The following ZFP90 variants were observed in gnomAD, a reference collection of about 807,000 sequenced individuals.
The protein encoded by ZFP90 is zinc finger protein 90 homolog.
ZFP90 carries 38 observed loss-of-function variants against 60.8 expected under a neutral mutation model. That is an observed-to-expected ratio of 0.62 (90% CI 0.48 to 0.82). The LOEUF is 0.82. Ranked by LOEUF, ZFP90 falls within the 40% of genes least tolerant of loss-of-function variation. The pLI is 0.00. For missense variants in ZFP90, 711 were observed against 759.1 expected (o/e 0.94, Z 0.74); for synonymous variants, 287 against 264.8 (o/e 1.08, Z -0.82).
Position 68,566,747 on chromosome 16 carries a change from G to A in ZFP90, c.*2049G>A. On this transcript the variant is annotated 3_prime_UTR_variant, in exon 5 of 5. Coordinates refer to ENST00000563169, the MANE Select transcript of ZFP90 (RefSeq NM_001305203.2). ...CAGACCCTCCCTACTGATTGGCTAGGATGCCTGTCAGGAACTCATTATGCT... is the reference window on the plus strand; with the variant it reads ...CAGACCCTCCCTACTGATTGGCTAGAATGCCTGTCAGGAACTCATTATGCT... 1 of 985,582 alleles carries A rather than the reference G, an allele frequency of 1.0e-6. No individual in the cohort carries two copies. The highest frequency in any genetic ancestry group is 1.2e-6 in the Non-Finnish European group (1 of 829,946). The allele number at this position is 985,582 out of a possible 1,614,324, so 61.1% of individuals were successfully genotyped here.
At chr16:68,572,643 C>G (rs2091574156) in intron 2 of ZFP90, among the ~76,000 whole-genome samples, 1 of 152,130 alleles carries the variant, frequency 6.6e-6, no homozygotes, top group African/African-American at 2.4e-5. Context: ...CTACCCTGCC[C>G]CTACAGGGGT....
intron 2 of ZFP90, among the ~76,000 whole-genome samples, chr16:68,548,713 C>T (rs918830719): frequency 6.6e-6 from 1 of 152,058 alleles, no homozygotes; most frequent in Non-Finnish European, 1.5e-5. Flanking sequence ...TGGTCTCGAA[C>T]TCCCGACCTC....
chr16:68,566,024 C>T lies in ZFP90; in HGVS notation c.*1326C>T. ...TGGCATGCAGTGGTAGTCCCAGCTA[C>T]TCAGGAGGCTGAGGTGGGAGGATCA... On this transcript the variant is annotated 3_prime_UTR_variant, in exon 5 of 5. Coordinates refer to ENST00000563169, the MANE Select transcript of ZFP90 (RefSeq NM_001305203.2). 1 of 817,206 alleles carries T rather than the reference C, an allele frequency of 1.2e-6. No individual in the cohort carries two copies. The highest frequency in any genetic ancestry group is 5.6e-5 in the South Asian group (1 of 17,964). The allele number at this position is 817,206 out of a possible 1,614,324, so 50.6% of individuals were successfully genotyped here. A position where few individuals can be genotyped will look rare whatever the true frequency, so the allele number is the denominator to read the frequency against.
At chr16:68,542,560 C>A (rs2091071153) in intron 2 of ZFP90, among the ~76,000 whole-genome samples, 1 of 152,044 alleles carries the variant, frequency 6.6e-6, no homozygotes, top group African/African-American at 2.4e-5. Context: ...CACTGCACTC[C>A]AGCCTGGGTG....
chr16:68,568,300 A>G (rs1460149174), downstream of ZFP90, among the ~76,000 whole-genome samples: 3 of 152,252 alleles, frequency 2.0e-5, no homozygotes, highest in Non-Finnish European at 4.4e-5. Context: ...TAGACAAAGA[A>G]GACTGGTAGG....
In ZFP90 at chr16:68,563,575, T is replaced by G. The variant is rs772068002; in HGVS notation, c.788T>G (p.Phe263Cys). ...GAATGTACCGACTGTGGGAAAACCT[T>G]TCTCTGGAAGACACAGCTTACTGAG... ...HHECTDCGKT[F>C]LWKTQLTEHQ... Residue 263 changes from phenylalanine to cysteine, a missense_variant, in exon 5 of 5, where the codon TTT becomes TGT. Physicochemically the swap from Phe to Cys is radical, Grantham distance 205. Around this residue, in one of 5 missense-constraint regions of ZFP90, gnomAD observed 146 missense variants for 201.4 expected, o/e 0.73. Coordinates refer to ENST00000563169, the MANE Select transcript of ZFP90 (RefSeq NM_001305203.2). 2.5e-6 allele frequency: 4 copies of G among 1,614,198 alleles called. No individual in the cohort carries two copies. Among genetic ancestry groups the G allele is most frequent in the Non-Finnish European group, 3.4e-6 (4 of 1,180,030 alleles).
intron 4 of ZFP90, chr16:68,561,947 A>C (rs1296849536): frequency 2.6e-5 from 4 of 152,166 alleles, no homozygotes; most frequent in Non-Finnish European, 4.4e-5. Flanking sequence ...CATACCTACC[A>C]CCAAGATTAT....
At chr16:68,572,438 T>C (rs2091573398) in intron 2 of ZFP90, among the ~76,000 whole-genome samples, 1 of 152,150 alleles carries the variant, frequency 6.6e-6, no homozygotes, top group Non-Finnish European at 1.5e-5. Context: ...CTGATAAAGC[T>C]CCTAAGGTGA....
chr16:68,556,625 A>G (rs913781524), intron 2 of ZFP90, among the ~76,000 whole-genome samples: 14 of 152,214 alleles, frequency 9.2e-5, no homozygotes, highest in African/African-American at 3.4e-4. Context: ...CCCTGTTCCC[A>G]TGGAACTTAC....
chr16:68,558,342 G>T, intron 3 of ZFP90, 131 bp from the exon 4 acceptor site: 3 of 1,096,966 alleles, frequency 2.7e-6, no homozygotes, highest in Non-Finnish European at 2.7e-6. Context: ...TTGATTGCAT[G>T]ACTCCTTAAG....
At chr16:68,549,678 CAA>C (rs35335958) in intron 2 of ZFP90, among the ~76,000 whole-genome samples, 19 of 62,932 alleles carry the variant, frequency 3.0e-4, no homozygotes, top group Admixed American at 4.8e-4. Flanking sequence ...GACTCCATCT[CAA>C]AAAAAAAAAA....
intron 2 of ZFP90, chr16:68,557,229 A>G: frequency 2.2e-6 from 1 of 455,830 alleles, no homozygotes; most frequent in Middle Eastern, 3.4e-4. Flanking sequence ...CTCCTGTAAC[A>G]AAGGAAGTGA....
intron 2 of ZFP90, among the ~76,000 whole-genome samples, chr16:68,554,759 C>G (rs2091317498): frequency 6.6e-6 from 1 of 152,024 alleles, no homozygotes; most frequent in Admixed American, 6.6e-5. Flanking sequence ...TGAGACCAGC[C>G]TGGGCAACAT....
intron 2 of ZFP90, among the ~76,000 whole-genome samples, chr16:68,541,123 C>T (rs553747940): frequency 4.4e-4 from 67 of 152,006 alleles, no homozygotes; most frequent in African/African-American, 1.6e-3. Flanking sequence ...GCAACCTCCA[C>T]CTCCTGGGTT....
At chr16:68,562,854 C>G in intron 4 of ZFP90, 190 bp from the exon 5 acceptor site, 1 of 1,325,952 alleles carries the variant, frequency 7.5e-7, no homozygotes, top group Non-Finnish European at 1.0e-6. Flanking sequence ...TTACCACATA[C>G]TCTGAATCTG....
intron 4 of ZFP90, among the ~76,000 whole-genome samples, chr16:68,558,772 A>G (rs1158797640): frequency 6.6e-6 from 1 of 151,382 alleles, no homozygotes; most frequent in East Asian, 1.9e-4. Flanking sequence ...GTGGCCTCTG[A>G]TTCCCTTCAT....
chr16:68,558,627 G>A, intron 4 of ZFP90, 59 bp downstream of exon 4: 1 of 1,487,292 alleles, frequency 6.7e-7, no homozygotes, highest in Non-Finnish European at 9.3e-7. Context: ...AACTTAGGGA[G>A]GGGGAGATAC....
intron 2 of ZFP90, among the ~76,000 whole-genome samples, chr16:68,544,965 C>T (rs952506931): frequency 1.4e-5 from 2 of 143,474 alleles, no homozygotes; most frequent in Admixed American, 7.4e-5. Flanking sequence ...CTACAACCTC[C>T]GCCTCCCGGG....
At chr16:68,558,699 C>G (rs929887244) in intron 4 of ZFP90, 131 bp downstream of exon 4, 6 of 727,398 alleles carry the variant, frequency 8.2e-6, no homozygotes, top group African/African-American at 5.3e-5. Context: ...ATCGCCTGGC[C>G]GACACCTTGT....
Sources: allele counts gnomAD v4.1 joint callset (sites outside exome capture counted in the v4.1 genomes callset), GRCh38; gene constraint gnomAD v4.1.1; regional missense constraint gnomAD v4.1.1; transcripts MANE v1.5; gene names NCBI Gene and HGNC (gene_info 2026-07-23, HGNC 2026-07-21).